The following PRDM2 variants were observed in gnomAD, a reference collection of about 807,000 sequenced individuals.
PRDM2 encodes the protein PR/SET domain 2.
Under a neutral mutation model 130.0 loss-of-function variants are expected in PRDM2, and 30 were observed. The ratio of observed to expected loss-of-function variants is 0.23; its 90% confidence interval spans 0.17 to 0.31. PRDM2 has a LOEUF of 0.31. Ranked by LOEUF, PRDM2 falls within the 10% of genes least tolerant of loss-of-function variation. PRDM2 has a pLI of 1.00. For synonymous variants in PRDM2, 871 were observed against 782.4 expected, an observed-to-expected ratio of 1.11 and a Z score of -1.89; for missense variants, 2,011 against 2,108.4, an observed-to-expected ratio of 0.95 and a Z score of 0.90.
intron 8 of PRDM2, among the ~76,000 whole-genome samples, chr1:13,815,068 C>T (rs1645235080): frequency 6.6e-6 from 1 of 152,050 alleles, no homozygotes; most frequent in Non-Finnish European, 1.5e-5. Context: ...ATGCAGTGAG[C>T]CTGTATGTAT....
intron 8 of PRDM2, among the ~76,000 whole-genome samples, chr1:13,811,523 C>G (rs1023740478): frequency 2.0e-5 from 3 of 152,166 alleles, no homozygotes; most frequent in African/African-American, 7.2e-5. Flanking sequence ...GGTCCTGAGA[C>G]CATGTTTCCT....
At chr1:13,795,960 G>C (rs964239743) in intron 8 of PRDM2, among the ~76,000 whole-genome samples, 8 of 152,250 alleles carry the variant, frequency 5.3e-5, no homozygotes. Context: ...CTCAGGGAAA[G>C]AGGGCTGGCT....
rs937093150 is a variant in PRDM2, at chr1:13,774,870, A to C, written c.622+1682A>C. Among the ~76,000 whole-genome samples, 6 of 151,656 alleles carry C rather than the reference A, an allele frequency of 4.0e-5. No individual in the cohort carries two copies. The South Asian group carries it at 8.3e-4, about 21-fold the overall frequency. ...TGGGCGCCTGTAGTCCGGGAGGCTG[A>C]GGCAGGAAAATGGTGTGAACCCAGG... On this transcript the variant is annotated intron_variant, in intron 7 of 9. Transcript: ENST00000311066.
chr1:13,778,940 A>G lies in PRDM2; in HGVS notation c.1145A>G (p.His382Arg). Residue 382 changes from histidine (H) to arginine (R), a missense_variant, in exon 8 of 10, where the codon CAT (histidine) becomes CGT (arginine). Physicochemically the swap from His to Arg is conservative, Grantham distance 29. Around this residue, in one of 5 missense-constraint regions of PRDM2, gnomAD observed 1,288 missense variants for 1,237.7 expected, o/e 1.04. Transcript: ENST00000311066. Reference protein sequence around the residue: ...KQGLERHMHIHISTVNHAFKC... With the variant: ...KQGLERHMHIRISTVNHAFKC... ...GGGCTTGAGCGTCACATGCATATCC[A>G]TATATCCACCGTCAATCATGCTTTC... The G allele has an allele frequency of 6.2e-7, 1 of 1,614,230 alleles. No homozygotes were observed. The highest frequency in any genetic ancestry group is 1.1e-5 in the South Asian group (1 of 91,086).
chr1:13,820,996 C>T (rs1645341093), intron 9 of PRDM2, among the ~76,000 whole-genome samples: 1 of 151,858 alleles, frequency 6.6e-6, no homozygotes, highest in Non-Finnish European at 1.5e-5. Flanking sequence ...GATGCCTCCT[C>T]TCTTGAAGAC....
At chr1:13,767,268 CTT>C (rs139182449) in intron 6 of PRDM2, among the ~76,000 whole-genome samples, 4 of 142,702 alleles carry the variant, frequency 2.8e-5, no homozygotes, top group Non-Finnish European at 3.1e-5. Flanking sequence ...TTGATTGTTG[CTT>C]TTTTTTTTTT....
intron 4 of PRDM2, among the ~76,000 whole-genome samples, chr1:13,741,536 C>T (rs544766973): frequency 1.4e-4 from 21 of 152,278 alleles, no homozygotes; most frequent in African/African-American, 5.1e-4. Flanking sequence ...CCCTGCAGGG[C>T]CAGGTGCCAT....
At chr1:13,775,457 T>C (rs1394924179) in intron 7 of PRDM2, among the ~76,000 whole-genome samples, 2 of 152,354 alleles carry the variant, frequency 1.3e-5, no homozygotes, top group South Asian at 2.1e-4. Flanking sequence ...ATTTGAAATA[T>C]GTTACTACTG....
rs139578720 is a variant in PRDM2, at chr1:13,779,968, A to T, written c.2173A>T (p.Met725Leu). 6.2e-7 allele frequency: 1 copy of T among 1,614,122 alleles called. No individual in the cohort carries two copies. Among genetic ancestry groups the T allele is most frequent in the Non-Finnish European group, 8.5e-7 (1 of 1,180,056 alleles). Residue 725 changes from methionine to leucine, a missense_variant, in exon 8 of 10, where the codon ATG (methionine) becomes TTG (leucine). Around this residue, in one of 5 missense-constraint regions of PRDM2, gnomAD observed 1,288 missense variants for 1,237.7 expected, o/e 1.04. Transcript: ENST00000311066. The surrounding 1 kb of genome is among the most constrained non-coding windows in gnomAD (Gnocchi z 4.9). ...TGTTTGTGTGTCTGCTCCTGCATCAATGTTGCCTGTGACCTCAAGTAGGTT... is the reference window on the plus strand; with the variant it reads ...TGTTTGTGTGTCTGCTCCTGCATCATTGTTGCCTGTGACCTCAAGTAGGTT... ...GPVCVSAPAS[M>L]LPVTSSRFKR...
intron 1 of PRDM2, chr1:13,705,738 C>T (rs1557589216): frequency 6.6e-6 from 1 of 152,368 alleles, no homozygotes; most frequent in East Asian, 1.9e-4. Flanking sequence ...AATCCCAGCA[C>T]TTTGGGAGGC....
chr1:13,741,853 C>G, intron 4 of PRDM2, 152 bp from the exon 5 acceptor site: 1 of 582,830 alleles, frequency 1.7e-6, no homozygotes, highest in Non-Finnish European at 2.9e-6. Flanking sequence ...TTGTATTTTT[C>G]TTTTCTCTGT....
intron 8 of PRDM2, among the ~76,000 whole-genome samples, chr1:13,798,402 A>G (rs1644955432): frequency 6.6e-6 from 1 of 152,216 alleles, no homozygotes; most frequent in African/African-American, 2.4e-5. Flanking sequence ...GCTAATTAAA[A>G]TTAGTGTTAC....
In PRDM2 at chr1:13,792,834, C is replaced by T. The variant is rs139088007; in HGVS notation, c.5036+10003C>T. 5.8e-3 allele frequency among the ~76,000 whole-genome samples: 876 copies of T among 152,290 alleles called. 31 individuals are homozygous for T. Among genetic ancestry groups the T allele is most frequent in the Admixed American group, 0.05 (762 of 15,296 alleles). On this transcript the variant is annotated intron_variant, in intron 8 of 9. Transcript: ENST00000311066. ...GAGTGCTTTACATTTTGAGCTCTCC[C>T]ACATCTGACGGAGATGGTATTCTCA...
chr1:13,792,217 T>C (rs961945067), intron 8 of PRDM2, among the ~76,000 whole-genome samples: 2 of 152,228 alleles, frequency 1.3e-5, no homozygotes, highest in African/African-American at 4.8e-5. Context: ...CTACATCTAC[T>C]GAGTCTTAGC....
At chr1:13,760,322 G>T (rs1644065848) in intron 6 of PRDM2, among the ~76,000 whole-genome samples, 1 of 151,828 alleles carries the variant, frequency 6.6e-6, no homozygotes, top group African/African-American at 2.4e-5. Context: ...CAGTTTCTAT[G>T]CTAAGCACAT....
rs1354771933 is a variant in PRDM2 at position 13,806,258 on chromosome 1, TC to T, written c.5037-10164del. On this transcript the variant is annotated intron_variant, in intron 8 of 9. Coordinates refer to ENST00000311066, the MANE Select transcript of PRDM2 (RefSeq NM_001393986.1). This position sits in a 1 kb window ranked among gnomAD's most constrained non-coding sequence, Gnocchi z 4.1. ...ATCCCGCCTCCATCCCTGGGCTCTG[TC>T]CCCCGCATCCCGCCTCCATCCCTGG... Among the ~76,000 whole-genome samples the T allele has an allele frequency of 1.4e-5, 2 of 141,832 alleles. No individual in the cohort carries two copies. The highest frequency in any genetic ancestry group is 2.6e-4 in the South Asian group (1 of 3,818). The allele number at this position is 141,832 out of a possible 152,430, so 93.0% of individuals were successfully genotyped here. A position where few individuals can be genotyped will look rare whatever the true frequency, so the allele number is the denominator to read the frequency against.
chr1:13,707,111 A>G (rs1330012664), intron 1 of PRDM2, among the ~76,000 whole-genome samples: 1 of 152,146 alleles, frequency 6.6e-6, no homozygotes, highest in Non-Finnish European at 1.5e-5. Context: ...TAGGTTGTTC[A>G]CCTGTGAATT....
intron 8 of PRDM2, chr1:13,786,662 C>A: frequency 6.5e-7 from 1 of 1,534,280 alleles, no homozygotes; most frequent in South Asian, 1.2e-5. Flanking sequence ...AAAATCCTAA[C>A]ATTCAGCTGA....
intron 9 of PRDM2, among the ~76,000 whole-genome samples, chr1:13,819,257 T>G (rs1422382096): frequency 6.6e-6 from 1 of 152,230 alleles, no homozygotes; most frequent in East Asian, 1.9e-4. Context: ...GAAGATGAAA[T>G]GTATGTAGCA....
Sources: gnomAD v4.1 joint callset for allele counts (sites outside exome capture counted in the v4.1 genomes callset) on GRCh38, gnomAD v4.1.1 for gene constraint, gnomAD v4.1.1 regional missense constraint, Gnocchi (gnomAD v3.1) non-coding constraint, MANE v1.5 for transcripts, NCBI Gene and HGNC (gene_info 2026-07-23, HGNC 2026-07-21) for gene names.